The following FSTL5 variants were observed in gnomAD, a reference collection of about 807,000 sequenced individuals.
FSTL5 encodes the protein follistatin-related protein 5.
Under a neutral mutation model 89.1 loss-of-function variants are expected in FSTL5, and 62 were observed. The ratio of observed to expected loss-of-function variants is 0.70; its 90% CI spans 0.57 to 0.86. FSTL5 has a LOEUF of 0.86. FSTL5 is among the 40% of genes least tolerant of loss of function. FSTL5 has a pLI of 0.00. For missense variants in FSTL5, 1,057 were observed against 1,001.6 expected (o/e 1.06, Z -0.75); for synonymous variants, 383 against 346.2 (o/e 1.11, Z -1.18).
chr4:162,053,879 A>T (rs747888758), intron 2 of FSTL5, among the ~76,000 whole-genome samples: 15 of 151,784 alleles, frequency 9.9e-5, no homozygotes, highest in Non-Finnish European at 2.1e-4. Flanking sequence ...TCAATAAATC[A>T]TTGAAAAAAT....
chr4:162,058,424 T>C (rs75522692), intron 2 of FSTL5, among the ~76,000 whole-genome samples: 1 of 18,898 alleles, frequency 5.3e-5, no homozygotes, highest in Non-Finnish European at 8.7e-5. Flanking sequence ...TAAATTCCTC[T>C]TTTTTTTTTT....
At chr4:161,600,708 GTT>G (rs1170429160) in intron 7 of FSTL5, among the ~76,000 whole-genome samples, 5 of 151,856 alleles carry the variant, frequency 3.3e-5, no homozygotes, top group Non-Finnish European at 7.4e-5. Flanking sequence ...TTTTATTTTG[GTT>G]TCATCAAAAA....
intron 6 of FSTL5, among the ~76,000 whole-genome samples, chr4:161,694,898 C>G (rs967037436): frequency 1.5e-5 from 2 of 132,984 alleles, no homozygotes; most frequent in Admixed American, 1.7e-4. Context: ...CATGTAATCA[C>G]TGAAGTCTTT....
Position 161,500,055 on chromosome 4 carries a change from C to T in FSTL5, c.1419G>A (p.Gln473=). Residue 473 remains glutamine (Q), a synonymous_variant, in exon 12 of 16, where the codon CAG becomes CAA. Coordinates refer to ENST00000306100, the MANE Select transcript of FSTL5 (RefSeq NM_020116.5). ...GCTTTTCACTAGGCTTAATGTGCCT[C>T]TGAAATTCACATTCTATGGGTTGTA... ...KVIQPIECEF[Q]RHIKPSEKLL... The T allele has an allele frequency of 6.2e-7, 1 of 1,610,576 alleles. No individual in the cohort carries two copies. Among genetic ancestry groups the T allele is most frequent in the Non-Finnish European group, 8.5e-7 (1 of 1,177,644 alleles).
intron 4 of FSTL5, among the ~76,000 whole-genome samples, chr4:161,898,532 G>C (rs1231953582): frequency 6.6e-6 from 1 of 150,956 alleles, no homozygotes; most frequent in Admixed American, 6.6e-5. Context: ...TTTCTACTAG[G>C]TATGTTTTGG....
intron 11 of FSTL5, 95 bp downstream of exon 11, chr4:161,510,303 G>T (rs1730609606): frequency 1.3e-6 from 1 of 775,866 alleles, no homozygotes; most frequent in Non-Finnish European, 2.1e-6. Context: ...GAATCAAAAT[G>T]AAAAAGAAGG....
At chr4:161,886,056 A>G (rs1732797290) in intron 4 of FSTL5, among the ~76,000 whole-genome samples, 2 of 152,158 alleles carry the variant, frequency 1.3e-5, no homozygotes, top group Admixed American at 6.5e-5. Context: ...AGGAAAACAC[A>G]TTGCATACCA....
At chr4:161,554,204 G>A (rs1732309278) in intron 8 of FSTL5, among the ~76,000 whole-genome samples, 2 of 151,050 alleles carry the variant, frequency 1.3e-5, no homozygotes, top group South Asian at 2.1e-4. Context: ...TTTATCATCC[G>A]AAAACCATGA....
intron 2 of FSTL5, among the ~76,000 whole-genome samples, chr4:162,073,640 T>C (rs1433176448): frequency 6.6e-6 from 1 of 151,786 alleles, no homozygotes; most frequent in Non-Finnish European, 1.5e-5. Context: ...AAAATATCTA[T>C]TGTACAGTGA....
intron 6 of FSTL5, 35 bp from the exon 7 acceptor site, chr4:161,656,529 A>G: frequency 7.1e-7 from 1 of 1,406,828 alleles, no homozygotes; most frequent in Non-Finnish European, 9.4e-7. Flanking sequence ...GTTGATGAGC[A>G]TTTAGTTTTG....
rs17458642 is a variant in FSTL5, at chr4:161,901,994, A to G, written c.409+18410T>C. Among the ~76,000 whole-genome samples the G allele has an allele frequency of 2.2e-3, 334 of 152,258 alleles. 1 individual carries two copies. The highest frequency in any genetic ancestry group is 7.6e-3 in the African/African-American group (315 of 41,564). On this transcript the variant is annotated intron_variant, in intron 4 of 15. Transcript: ENST00000306100. The stretch of plus-strand genomic sequence containing the variant: ...TTATAAAAATTAAAGCCAAATAAAG[A>G]TTAGTATACATGTGGAACATTTTAG...
At chr4:162,007,273 T>C (rs1736640194) in intron 3 of FSTL5, among the ~76,000 whole-genome samples, 1 of 151,924 alleles carries the variant, frequency 6.6e-6, no homozygotes, top group South Asian at 2.1e-4. Context: ...CCTAAAGTTA[T>C]TTATGCCAAA....
chr4:161,515,864 T>A (rs189221218), intron 10 of FSTL5, among the ~76,000 whole-genome samples: 149 of 151,360 alleles, frequency 9.8e-4, no homozygotes, highest in African/African-American at 3.5e-3. Context: ...CACTAAGTAG[T>A]TATTTCCAGT....
chr4:161,748,829 G>A (rs2164128), intron 6 of FSTL5, among the ~76,000 whole-genome samples: 12,162 of 151,852 alleles, frequency 0.08, 925 homozygotes, highest in African/African-American at 0.2. Context: ...ACTTATGTAT[G>A]GTGGCATTAA....
At chr4:161,516,724 TACACACACACACACAC>T (rs35139981) in intron 10 of FSTL5, among the ~76,000 whole-genome samples, 5 of 127,300 alleles carry the variant, frequency 3.9e-5, no homozygotes, top group African/African-American at 5.9e-5. Context: ...TATATATATG[TACACACACACACACAC>T]ACACACACAC....
intron 4 of FSTL5, among the ~76,000 whole-genome samples, chr4:161,816,873 A>G (rs1357582863): frequency 6.6e-6 from 1 of 152,170 alleles, no homozygotes; most frequent in Non-Finnish European, 1.5e-5. Context: ...AATATTGTCC[A>G]ATGTTATTTG....
chr4:161,534,462 C>G (rs772425225), intron 10 of FSTL5, among the ~76,000 whole-genome samples: 9 of 152,008 alleles, frequency 5.9e-5, no homozygotes, highest in Non-Finnish European at 1.3e-4. Context: ...ATTGAAAACA[C>G]AATTCCATTT....
intron 1 of FSTL5, among the ~76,000 whole-genome samples, chr4:162,149,031 G>T (rs1221567288): frequency 6.6e-6 from 1 of 152,102 alleles, no homozygotes; most frequent in East Asian, 1.9e-4. Context: ...AAAATCTTTT[G>T]TATGTGTGTG....
rs150793080 is a variant in FSTL5, at chr4:161,526,358, T to A, written c.1312+11808A>T. Among the ~76,000 whole-genome samples, 736 of 152,330 alleles carry A rather than the reference T, an allele frequency of 4.8e-3. 11 individuals are homozygous for A. Among genetic ancestry groups the A allele is most frequent in the African/African-American group, 0.017 (710 of 41,576 alleles). On this transcript the variant is annotated intron_variant, in intron 10 of 15. Coordinates refer to ENST00000306100, the MANE Select transcript of FSTL5 (RefSeq NM_020116.5). The stretch of plus-strand genomic sequence containing the variant: ...CTATTAAAATTTCACTATTGTAGAA[T>A]GTTTCCAAAGGATGTATTATTCTTT...
Sources: gnomAD v4.1 joint callset for allele counts (sites outside exome capture counted in the v4.1 genomes callset) on GRCh38, gnomAD v4.1.1 for gene constraint, MANE v1.5 for transcripts, NCBI Gene and HGNC (gene_info 2026-07-23, HGNC 2026-07-21) for gene names.